The following MEMO1 variants were observed in gnomAD, a reference collection of about 807,000 sequenced individuals.
The protein encoded by MEMO1 is protein MEMO1.
A neutral mutation model predicts 45.2 loss-of-function variants in MEMO1; 6 were observed. The ratio of observed to expected loss-of-function variants is 0.13; its 90% CI spans 0.07 to 0.26. The LOEUF (loss-of-function observed/expected upper bound fraction) is 0.26, where lower values mean the gene tolerates loss of function less well. MEMO1 is among the 10% of genes least tolerant of loss of function. The pLI, the probability that MEMO1 is intolerant of heterozygous loss-of-function variation, is 1.00. For synonymous variants in MEMO1, 78 were observed against 124.3 expected, an observed-to-expected ratio of 0.63 and a Z score of 2.48; for missense variants, 184 against 370.5, an observed-to-expected ratio of 0.50 and a Z score of 4.13.
chr2:31,913,904 G>T (rs1477881237), intron 6 of MEMO1, among the ~76,000 whole-genome samples: 1 of 152,098 alleles, frequency 6.6e-6, no homozygotes, highest in Non-Finnish European at 1.5e-5. Flanking sequence ...CTTGAATTTA[G>T]CCTTATGATG....
rs1447979190 is a variant in MEMO1, at chr2:31,910,854, C to T, written c.437+7072G>A. ...TCCAGCCTAAATAAGAGTAAGAGCC[C>T]GTCTCAAAAAAATAAAAAATAAAGA... On this transcript the variant is annotated intron_variant, in intron 6 of 9. Transcript: ENST00000404530. Among the ~76,000 whole-genome samples, 4 of 150,894 alleles carry T rather than the reference C, an allele frequency of 2.7e-5. No individual in the cohort carries two copies. The South Asian group carries it at 8.4e-4, about 32-fold the overall frequency.
intron 2 of MEMO1, among the ~76,000 whole-genome samples, chr2:31,947,731 C>T (rs557162456): frequency 8.5e-5 from 13 of 152,234 alleles, no homozygotes; most frequent in Admixed American, 8.5e-4. Flanking sequence ...AATACAGTAA[C>T]ACTTCTATTT....
intron 6 of MEMO1, among the ~76,000 whole-genome samples, chr2:31,910,365 A>C (rs2148108702): frequency 6.6e-6 from 1 of 152,308 alleles, no homozygotes; most frequent in Non-Finnish European, 1.5e-5. Flanking sequence ...GGGTAAAATA[A>C]AATATTTTAT....
intron 8 of MEMO1, among the ~76,000 whole-genome samples, chr2:31,873,551 A>G (rs930945037): frequency 6.6e-6 from 1 of 152,132 alleles, no homozygotes; most frequent in Non-Finnish European, 1.5e-5. Context: ...AAAAAAGTTT[A>G]CCTATATTTA....
chr2:31,969,865 G>C (rs1338997887), intron 2 of MEMO1, among the ~76,000 whole-genome samples: 1 of 151,620 alleles, frequency 6.6e-6, no homozygotes, highest in Non-Finnish European at 1.5e-5. Flanking sequence ...CAAAATGCTG[G>C]GATTATAGGC....
intron 4 of MEMO1, chr2:31,923,858 A>C (rs1682693448): frequency 8.5e-7 from 1 of 1,180,018 alleles, no homozygotes; most frequent in Non-Finnish European, 1.1e-6. Context: ...ACTGCTCCAG[A>C]AATAAACACC....
intron 3 of MEMO1, among the ~76,000 whole-genome samples, chr2:31,941,903 C>T (rs371918455): frequency 2.6e-5 from 4 of 152,148 alleles, no homozygotes; most frequent in Non-Finnish European, 4.4e-5. Flanking sequence ...TTACTATTTG[C>T]TCATTTAATT....
rs1488559427 is a variant in MEMO1, at chr2:31,961,574, G to T, written c.62-18191C>A. 2.0e-5 allele frequency among the ~76,000 whole-genome samples: 3 copies of T among 151,744 alleles called. No individual in the cohort carries two copies. In the East Asian group the frequency reaches 5.8e-4, roughly 29 times the overall value. The stretch of plus-strand genomic sequence containing the variant: ...GCTCCGGATTTCAAGACCAGCCTGG[G>T]CAACACAGTGAGACTCTGTCTCTAT... On this transcript the variant is annotated intron_variant, in intron 2 of 9. Coordinates refer to ENST00000404530, the MANE Select transcript of MEMO1 (RefSeq NM_001301833.4).
intron 6 of MEMO1, among the ~76,000 whole-genome samples, chr2:31,895,837 CTTTTTTTT>C (rs71412853): frequency 5.9e-5 from 5 of 84,742 alleles, no homozygotes; most frequent in African/African-American, 9.5e-5. Flanking sequence ...AGAAAAAAAT[CTTTTTTTT>C]TTTTTTTTTT....
At chr2:31,874,979 C>T (rs554571910) in intron 8 of MEMO1, among the ~76,000 whole-genome samples, 7 of 151,998 alleles carry the variant, frequency 4.6e-5, no homozygotes, top group South Asian at 2.1e-4. Context: ...TAACCATACA[C>T]GGGTCTTATT....
At chr2:31,944,887 T>C (rs1358726579) in intron 2 of MEMO1, among the ~76,000 whole-genome samples, 1 of 152,138 alleles carries the variant, frequency 6.6e-6, no homozygotes, top group Non-Finnish European at 1.5e-5. Flanking sequence ...TAGGTAATAA[T>C]ATAACAAACA....
At chr2:31,943,445 T>C (rs1177581143) in intron 2 of MEMO1, 62 bp from the exon 3 acceptor site, 5 of 1,198,118 alleles carry the variant, frequency 4.2e-6, no homozygotes, top group Non-Finnish European at 6.2e-6. Flanking sequence ...TAAACATATG[T>C]GGCATAAAGC....
At chr2:31,914,997 T>G (rs972182908) in intron 6 of MEMO1, among the ~76,000 whole-genome samples, 2 of 144,226 alleles carry the variant, frequency 1.4e-5, no homozygotes, top group East Asian at 2.1e-4. Flanking sequence ...CCAGGCACAG[T>G]GGTTCATGCC....
In MEMO1 at chr2:31,869,954, TAAA is replaced by T. The variant is rs76850690; in HGVS notation, c.658-5_658-3del. 1,274 of 1,164,844 alleles carry T rather than the reference TAAA, an allele frequency of 1.1e-3. No homozygotes were observed. Among genetic ancestry groups the T allele is most frequent in the South Asian group, 2.9e-3 (127 of 43,880 alleles). The allele number at this position is 1,164,844 out of a possible 1,614,324, so 72.2% of individuals were successfully genotyped here. A position where few individuals can be genotyped will look rare whatever the true frequency, so the allele number is the denominator to read the frequency against. On this transcript the variant is annotated splice_region_variant and splice_polypyrimidine_tract_variant and intron_variant, in intron 8 of 9. Transcript: ENST00000404530. ...TAATTGTTCTATAATACTCATACCC[TAAA>T]AAAAAAAAAAAAGAAGAGGAAGAAA...
intron 8 of MEMO1, among the ~76,000 whole-genome samples, chr2:31,878,372 C>T (rs986429386): frequency 6.6e-6 from 1 of 152,106 alleles, no homozygotes; most frequent in Non-Finnish European, 1.5e-5. Context: ...AGAAGAGTAA[C>T]ATGATCTGAT....
At chr2:31,889,115 A>C (rs1200240580) in intron 7 of MEMO1, among the ~76,000 whole-genome samples, 1 of 152,148 alleles carries the variant, frequency 6.6e-6, no homozygotes, top group Non-Finnish European at 1.5e-5. Flanking sequence ...TTTTCACTTC[A>C]CTTTCTGCAA....
chr2:31,923,889 A>T (rs1682700698), intron 4 of MEMO1, among the ~76,000 whole-genome samples: 1 of 152,166 alleles, frequency 6.6e-6, no homozygotes. Context: ...TGGAAGCCTA[A>T]TTAACTCTTC....
At chr2:32,002,202 C>CACACGTATATACGTATATACGTAT (rs1558570166) in intron 2 of MEMO1, among the ~76,000 whole-genome samples, 5 of 128,182 alleles carry the variant, frequency 3.9e-5, no homozygotes, top group African/African-American at 1.5e-4. Context: ...CACACACACA[C>CACACGTATATACGTATATACGTAT]ATGTATATAC....
chr2:31,869,953 CTA>C lies in MEMO1; in HGVS notation c.658-3_658-2del. The C allele has an allele frequency of 7.2e-7, 1 of 1,391,612 alleles. No homozygotes were observed. Among genetic ancestry groups the C allele is most frequent in the South Asian group, 1.7e-5 (1 of 58,960 alleles). The allele number at this position is 1,391,612 out of a possible 1,614,324, so 86.2% of individuals were successfully genotyped here. A position where few individuals can be genotyped will look rare whatever the true frequency, so the allele number is the denominator to read the frequency against. ...CTAATTGTTCTATAATACTCATACC[CTA>C]AAAAAAAAAAAAAAGAAGAGGAAGA... is the stretch of plus-strand genomic sequence containing the variant. On this transcript the variant is annotated splice_acceptor_variant and splice_polypyrimidine_tract_variant and intron_variant, in intron 8 of 9. Transcript: ENST00000404530. LOFTEE classifies it high-confidence loss of function.
Sources: gnomAD v4.1 joint callset for allele counts (sites outside exome capture counted in the v4.1 genomes callset) on GRCh38, gnomAD v4.1.1 for gene constraint, MANE v1.5 for transcripts, NCBI Gene and HGNC (gene_info 2026-07-23, HGNC 2026-07-21) for gene names.